Variants in PALM3 observed in about 807,000 individuals in gnomAD.
PALM3 encodes paralemmin 3, also known as paralemmin-3.
In PALM3, 20 loss-of-function variants were observed where a neutral mutation model predicts 27.9. That is an observed-to-expected ratio of 0.72 (90% CI 0.50 to 1.04). PALM3 has a LOEUF of 1.04. PALM3 is among the 50% of genes least tolerant of loss of function. PALM3 has a pLI of 0.00. For synonymous variants in PALM3, 328 were observed against 352.7 expected (o/e 0.93, Z 0.79); for missense variants, 814 against 869.4 (o/e 0.94, Z 0.80).
At position 14,053,618 on chromosome 19, in the gene PALM3, C is replaced by T; in HGVS notation, c.2054G>A (p.Cys685Tyr). 1 of 1,456,934 alleles carries T rather than the reference C, an allele frequency of 6.9e-7. No homozygotes were observed. Among genetic ancestry groups the T allele is most frequent in the Non-Finnish European group, 9.1e-7 (1 of 1,102,812 alleles). The allele number at this position is 1,456,934 out of a possible 1,614,324, so 90.3% of individuals were successfully genotyped here. A position where few individuals can be genotyped will look rare whatever the true frequency, so the allele number is the denominator to read the frequency against. The part of the protein sequence containing the change: ...SGPKQKTCQC[C>Y]AVM ...AGGGGCATGGGTTCACATGACCGCA[C>T]AACACTGGCACGTCTTTTGCTTAGG... The change falls in exon 7 of 7, where the codon TGT becomes TAT. Residue 685 changes from cysteine to tyrosine, a missense_variant. Cys to Tyr is a radical substitution (Grantham distance 194). Transcript: ENST00000669674.
chr19:14,059,759 T>G (rs923781192), intron 1 of PALM3, among the ~76,000 whole-genome samples: 3 of 152,050 alleles, frequency 2.0e-5, no homozygotes, highest in African/African-American at 7.2e-5. Flanking sequence ...CCTCCCACTG[T>G]TGCCATGGTA....
intron 3 of PALM3, 150 bp from the exon 4 acceptor site, chr19:14,056,954 GC>G: frequency 2.6e-6 from 2 of 780,524 alleles, no homozygotes; most frequent in Non-Finnish European, 2.0e-6. Context: ...TGGCCACAGT[GC>G]CCCCCAACGC....
In PALM3 at chr19:14,054,003, G is replaced by C. The variant is rs751247200; in HGVS notation, c.1669C>G (p.Gln557Glu). Residue 557 changes from glutamine to glutamate, a missense_variant, in exon 7 of 7, where the codon CAA becomes GAA. Transcript: ENST00000669674. ...GATTCACTTCCTTCCCTAGACCCTTGTTCTAGATTCAGATCTCCCTCCGTC... is the reference window on the plus strand; with the variant it reads ...GATTCACTTCCTTCCCTAGACCCTTCTTCTAGATTCAGATCTCCCTCCGTC... ...QGTEGDLNLEQGSREGSESQA... is the reference protein window; with the variant it reads ...QGTEGDLNLEEGSREGSESQA... The C allele has an allele frequency of 6.4e-7, 1 of 1,551,716 alleles. No individual in the cohort carries two copies. Among genetic ancestry groups the C allele is most frequent in the South Asian group, 1.2e-5 (1 of 84,064 alleles).
At chr19:14,059,211 C>G in intron 1 of PALM3, 48 bp from the exon 2 acceptor site, 1 of 1,425,286 alleles carries the variant, frequency 7.0e-7, no homozygotes, top group Non-Finnish European at 9.2e-7. Flanking sequence ...CTTGAACGCC[C>G]CCCTCTTGGC....
At chr19:14,058,956 A>G (rs1377785683) in intron 2 of PALM3, among the ~76,000 whole-genome samples, 159 bp downstream of exon 2, 1 of 151,952 alleles carries the variant, frequency 6.6e-6, no homozygotes, top group Non-Finnish European at 1.5e-5. Flanking sequence ...GGTAGTGACC[A>G]GACAGGAACT....
chr19:14,060,805 G>A (rs1190644733), intron 1 of PALM3, among the ~76,000 whole-genome samples: 1 of 152,098 alleles, frequency 6.6e-6, no homozygotes, highest in Non-Finnish European at 1.5e-5. Flanking sequence ...CTGTCACCCA[G>A]GCTGGAGTGC....
intron 3 of PALM3, 95 bp from the exon 4 acceptor site, chr19:14,056,899 T>TCAC: frequency 7.8e-7 from 1 of 1,277,992 alleles, no homozygotes; most frequent in Non-Finnish European, 1.0e-6. Flanking sequence ...AGGTATCTTA[T>TCAC]CACCACCTCA....
rs911223978 is a variant in PALM3 at position 14,055,253 on chromosome 19, A to G, written c.446-27T>C. 13 of 1,510,672 alleles carry G rather than the reference A, an allele frequency of 8.6e-6. No individual in the cohort carries two copies. In the African/African-American group the frequency reaches 1.0e-4, roughly 12 times the overall value. 93.6% of individuals were successfully genotyped at this position (1,510,672 alleles called of 1,614,324 possible). ...TGGGGGAGTCAGAGGTGGAGGGGAG[A>G]GGACAAAAGGGAAGACAGGGTTAAG... On this transcript the variant is annotated intron_variant, in intron 6 of 6. Coordinates refer to ENST00000669674, the MANE Select transcript of PALM3 (RefSeq NM_001145028.2).
Position 14,053,850 on chromosome 19 carries a change from G to A in PALM3, c.1822C>T (p.Gln608Ter). 6.4e-7 allele frequency: 1 copy of A among 1,551,364 alleles called. No homozygotes were observed. The highest frequency in any genetic ancestry group is 8.7e-7 in the Non-Finnish European group (1 of 1,146,790). Residue 608 changes from glutamine to a stop codon, truncating the protein, a stop_gained, in exon 7 of 7, where the codon CAA (glutamine) becomes TAA (stop). Transcript: ENST00000669674. LOFTEE classifies it low-confidence loss of function (END_TRUNC). ...GALEEEGVKP[Q>*]TAAEGQGPLG... ...GGGCCTTGGCCCTCAGCAGCGGTTT[G>A]GGGCTTCACTCCTTCCTCCTCCAGG...
chr19:14,062,074 A>T lies in PALM3; in HGVS notation c.-94T>A. 40 of 768,326 alleles carry T rather than the reference A, an allele frequency of 5.2e-5. No homozygotes were observed. The highest frequency in any genetic ancestry group is 5.9e-5 in the Non-Finnish European group (37 of 631,160). The allele number at this position is 768,326 out of a possible 1,614,324, so 47.6% of individuals were successfully genotyped here. The stretch of plus-strand genomic sequence containing the variant: ...CGGAGGCTGTGACTTGGCTGCCTGG[A>T]GTGGGGGGGGGCTGCGGGCGGGCAC... On this transcript the variant is annotated 5_prime_UTR_variant, in exon 1 of 7. Coordinates refer to ENST00000669674, the MANE Select transcript of PALM3 (RefSeq NM_001145028.2).
At chr19:14,058,523 G>A (rs1241480684) in intron 2 of PALM3, among the ~76,000 whole-genome samples, 1 of 151,832 alleles carries the variant, frequency 6.6e-6, no homozygotes, top group African/African-American at 2.4e-5. Context: ...TGCAGCCACG[G>A]GGTCCAGAGA....
rs1328553100 is a variant in PALM3 at position 14,055,225 on chromosome 19, G to A, written c.447C>T (p.Gly149=). 2.0e-6 allele frequency: 3 copies of A among 1,472,282 alleles called. No individual in the cohort carries two copies. Among genetic ancestry groups the A allele is most frequent in the Non-Finnish European group, 2.7e-6 (3 of 1,119,422 alleles). The allele number at this position is 1,472,282 out of a possible 1,614,324, so 91.2% of individuals were successfully genotyped here. ...SQSIVEAGSV[G]QTDLNKRASL... ...AGGCTCTCTTGTTCAGATCAGTCTG[G>A]CCTGGGGGAGTCAGAGGTGGAGGGG... is the stretch of plus-strand genomic sequence containing the variant. Residue 149 remains glycine (G), a splice_region_variant and synonymous_variant, in exon 7 of 7, where the codon GGC becomes GGT. Transcript: ENST00000669674.
intron 4 of PALM3, 50 bp downstream of exon 4, chr19:14,056,612 C>A: frequency 1.3e-6 from 2 of 1,551,626 alleles, no homozygotes; most frequent in South Asian, 2.4e-5. Flanking sequence ...GGGTCTCGAT[C>A]TCACCCAGCT....
intron 3 of PALM3, 45 bp from the exon 4 acceptor site, chr19:14,056,849 G>C: frequency 6.7e-7 from 1 of 1,498,328 alleles, no homozygotes; most frequent in Non-Finnish European, 8.9e-7. Flanking sequence ...AGACTACCCC[G>C]GTCCATGTAA....
chr19:14,059,457 G>A (rs1976379771), intron 1 of PALM3, among the ~76,000 whole-genome samples: 1 of 152,058 alleles, frequency 6.6e-6, no homozygotes, highest in South Asian at 2.1e-4. Context: ...TGCCACCCCC[G>A]ATCTCAGAGG....
In PALM3 at chr19:14,056,738, G is replaced by T; in HGVS notation, c.238C>A (p.Pro80Thr). ...AAAVPEPSED[P>T]TSKDPQSPEG... ...GGTGACTGGGGGTCCTTCGAGGTGG[G>T]GTCTTCGGATGGCTCTGGCACTGCA... The change falls in exon 4 of 7, where the codon CCC (proline) becomes ACC (threonine). Residue 80 changes from proline to threonine, a missense_variant. Transcript: ENST00000669674. The T allele has an allele frequency of 1.3e-6, 2 of 1,551,688 alleles. No individual in the cohort carries two copies. Among genetic ancestry groups the T allele is most frequent in the South Asian group, 1.2e-5 (1 of 84,060 alleles).
chr19:14,056,701 G>C lies in PALM3; in HGVS notation c.275C>G (p.Ala92Gly), dbSNP rs1395561842. Residue 92 changes from alanine (A) to glycine (G), a missense_variant, in exon 4 of 7, where the codon GCT becomes GGT. By Grantham distance (60) the Ala-to-Gly change is moderately conservative (BLOSUM62 0). Transcript: ENST00000669674. ...SKDPQSPEGQ[A>G]QARIRNLEDS... ...TTCCAGGTTCCGGATTCGGGCCTGA[G>C]CCTGGCCCTCGGGTGACTGGGGGTC... The C allele has an allele frequency of 2.6e-6, 4 of 1,551,680 alleles. No homozygotes were observed. Among genetic ancestry groups the C allele is most frequent in the Non-Finnish European group, 3.5e-6 (4 of 1,147,018 alleles).
At chr19:14,058,546 G>A (rs905563266) in intron 2 of PALM3, among the ~76,000 whole-genome samples, 1 of 151,860 alleles carries the variant, frequency 6.6e-6, no homozygotes, top group African/African-American at 2.4e-5. Flanking sequence ...CTGAGGTGTA[G>A]AGGTGGGGAT....
At chr19:14,057,919 C>A (rs1044302856) in intron 2 of PALM3, among the ~76,000 whole-genome samples, 5 of 152,104 alleles carry the variant, frequency 3.3e-5, no homozygotes, top group African/African-American at 1.2e-4. Context: ...CCTACCCTGG[C>A]CAACATGGTG....
Sources: gnomAD v4.1 joint callset for allele counts (sites outside exome capture counted in the v4.1 genomes callset) on GRCh38, gnomAD v4.1.1 for gene constraint, MANE v1.5 for transcripts, NCBI Gene and HGNC (gene_info 2026-07-23, HGNC 2026-07-21) for gene names.